Variants in KIRREL3 observed in about 807,000 individuals in gnomAD.
KIRREL3 encodes kirre like nephrin family adhesion molecule 3, also known as kin of IRRE-like protein 3.
A neutral mutation model predicts 89.7 loss-of-function variants in KIRREL3; 36 were observed. That is an observed-to-expected ratio of 0.40 (90% CI 0.31 to 0.53). The LOEUF is 0.53. KIRREL3 is among the 20% of genes least tolerant of loss of function. The pLI is 0.49. For synonymous variants in KIRREL3, 445 were observed against 441.4 expected, an observed-to-expected ratio of 1.01 and a Z score of -0.10; for missense variants, 864 against 1,056.6, an observed-to-expected ratio of 0.82 and a Z score of 2.53.
At chr11:126,693,319 G>A (rs1385263255) in intron 1 of KIRREL3, among the ~76,000 whole-genome samples, 1 of 152,202 alleles carries the variant, frequency 6.6e-6, no homozygotes, top group Non-Finnish European at 1.5e-5. Context: ...TACTCAGGAG[G>A]CTGAGGCAGG....
At chr11:126,699,346 C>A (rs756255258) in intron 1 of KIRREL3, among the ~76,000 whole-genome samples, 2 of 152,178 alleles carry the variant, frequency 1.3e-5, no homozygotes. Context: ...ACAATTCATT[C>A]GACAAATATT....
At chr11:126,979,608 T>C (rs1949669173) in intron 1 of KIRREL3, among the ~76,000 whole-genome samples, 2 of 152,194 alleles carry the variant, frequency 1.3e-5, no homozygotes, top group Admixed American at 1.3e-4. Flanking sequence ...GCTTTCGTTT[T>C]GGCTCTATTA....
At chr11:126,784,891 T>C (rs944019561) in intron 1 of KIRREL3, among the ~76,000 whole-genome samples, 12 of 152,230 alleles carry the variant, frequency 7.9e-5, no homozygotes, top group Non-Finnish European at 4.4e-5. Flanking sequence ...GGATCACCTA[T>C]GACTGTCAAG....
rs997848831 is a variant in KIRREL3, at chr11:126,516,541, G to A, written c.433+4774C>T. ...CAGGGCAAGGATGGTTTTCTCTTTC[G>A]TTTCCTGATGAATCCCACGTGTCTA... On this transcript the variant is annotated intron_variant, in intron 4 of 16. Coordinates refer to ENST00000525144, the MANE Select transcript of KIRREL3 (RefSeq NM_032531.4). The surrounding 1 kb of genome is among the most constrained non-coding windows in gnomAD (Gnocchi z 4.9). Among the ~76,000 whole-genome samples, 12 of 152,098 alleles carry A rather than the reference G, an allele frequency of 7.9e-5. No homozygotes were observed. The highest frequency in any genetic ancestry group is 2.0e-4 in the Admixed American group (3 of 15,254).
chr11:126,590,096 G>C (rs1297119103), intron 1 of KIRREL3, among the ~76,000 whole-genome samples: 1 of 152,158 alleles, frequency 6.6e-6, no homozygotes, highest in Non-Finnish European at 1.5e-5. Context: ...GTAAACCCAG[G>C]AACCAGATTC....
In KIRREL3 at chr11:126,683,535, G is replaced by C. The variant is rs758343404; in HGVS notation, c.56-120623C>G. Among the ~76,000 whole-genome samples, 1 of 152,186 alleles carries C rather than the reference G, an allele frequency of 6.6e-6. No individual in the cohort carries two copies. The highest frequency in any genetic ancestry group is 1.5e-5 in the Non-Finnish European group (1 of 68,032). ...CATTTCTTTCTTATCTGCAAAATGG[G>C]AAGAGTAAGGGCACCCATCTTGGAG... On this transcript the variant is annotated intron_variant, in intron 1 of 16. Coordinates refer to ENST00000525144, the MANE Select transcript of KIRREL3 (RefSeq NM_032531.4). The surrounding 1 kb of genome is among the most constrained non-coding windows in gnomAD (Gnocchi z 5.2).
rs903396258 is a variant in KIRREL3, at chr11:126,797,236, A to G, written c.55+203219T>C. On this transcript the variant is annotated intron_variant, in intron 1 of 16. Coordinates refer to ENST00000525144, the MANE Select transcript of KIRREL3 (RefSeq NM_032531.4). The surrounding 1 kb of genome is among the most constrained non-coding windows in gnomAD (Gnocchi z 4.9). ...TGGGACCAATTTGAATTTAGATCCC[A>G]CCTCTGCCACTTATTGACCTCTCTG... is the stretch of plus-strand genomic sequence containing the variant. Among the ~76,000 whole-genome samples, 4 of 152,136 alleles carry G rather than the reference A, an allele frequency of 2.6e-5. No homozygotes were observed. The highest frequency in any genetic ancestry group is 5.9e-5 in the Non-Finnish European group (4 of 68,022).
chr11:126,809,351 T>G (rs1951307037), intron 1 of KIRREL3, among the ~76,000 whole-genome samples: 1 of 152,086 alleles, frequency 6.6e-6, no homozygotes, highest in African/African-American at 2.4e-5. Context: ...CAATGACCAT[T>G]TATTTAGGTG....
intron 9 of KIRREL3, among the ~76,000 whole-genome samples, chr11:126,446,220 T>C (rs1402352647): frequency 3.3e-5 from 5 of 152,028 alleles, no homozygotes; most frequent in African/African-American, 1.2e-4. Context: ...GTGGCTTTAT[T>C]TGGGGGAAGT....
At position 126,689,351 on chromosome 11, in the gene KIRREL3, C is replaced by T. The variant is rs1191189431; in HGVS notation, c.56-126439G>A. 6.6e-6 allele frequency among the ~76,000 whole-genome samples: 1 copy of T among 152,204 alleles called. No individual in the cohort carries two copies. The highest frequency in any genetic ancestry group is 2.4e-5 in the African/African-American group (1 of 41,442). ...AGATGAGGCTGACCAGGCCATGGAG[C>T]TGCCCAGACCCCCTGGGAGCCCAGA... On this transcript the variant is annotated intron_variant, in intron 1 of 16. Coordinates refer to ENST00000525144, the MANE Select transcript of KIRREL3 (RefSeq NM_032531.4). This position sits in a 1 kb window ranked among gnomAD's most constrained non-coding sequence, Gnocchi z 5.2.
In KIRREL3 at chr11:126,896,049, T is replaced by G. The variant is rs1946145263; in HGVS notation, c.55+104406A>C. ...TATCCCCCATTCATTTCAAAGCACC[T>G]TCATCCCACTCAGGGATTACATTTC... On this transcript the variant is annotated intron_variant, in intron 1 of 16. Coordinates refer to ENST00000525144, the MANE Select transcript of KIRREL3 (RefSeq NM_032531.4). This position sits in a 1 kb window ranked among gnomAD's most constrained non-coding sequence, Gnocchi z 4.1. 2.0e-5 allele frequency among the ~76,000 whole-genome samples: 3 copies of G among 152,374 alleles called. No individual in the cohort carries two copies. The South Asian group carries it at 6.2e-4, about 32-fold the overall frequency.
rs1309037380 is a variant in KIRREL3 at position 126,983,364 on chromosome 11, C to A, written c.55+17091G>T. Among the ~76,000 whole-genome samples the A allele has an allele frequency of 1.3e-5, 2 of 152,200 alleles. No homozygotes were observed. The highest frequency in any genetic ancestry group is 2.9e-5 in the Non-Finnish European group (2 of 68,032). ...CTGAAAGGGAGGGCTCATCTAACGTCTGCCTTTGGTTCTTGCGGTAGACAG... is the reference window on the plus strand; with the variant it reads ...CTGAAAGGGAGGGCTCATCTAACGTATGCCTTTGGTTCTTGCGGTAGACAG... On this transcript the variant is annotated intron_variant, in intron 1 of 16. Coordinates refer to ENST00000525144, the MANE Select transcript of KIRREL3 (RefSeq NM_032531.4). The surrounding 1 kb of genome is among the most constrained non-coding windows in gnomAD (Gnocchi z 4.9).
At chr11:126,839,294 G>T (rs951332244) in intron 1 of KIRREL3, among the ~76,000 whole-genome samples, 6 of 152,148 alleles carry the variant, frequency 3.9e-5, no homozygotes, top group African/African-American at 1.4e-4. Flanking sequence ...GTCTTTTGGG[G>T]GAGGAAGATA....
At chr11:126,939,682 A>G (rs1280712349) in intron 1 of KIRREL3, among the ~76,000 whole-genome samples, 2 of 152,186 alleles carry the variant, frequency 1.3e-5, no homozygotes, top group African/African-American at 4.8e-5. Context: ...CCCTTCCTTC[A>G]GACTGGGTTG....
At chr11:126,465,429 C>T (rs891183468) in intron 5 of KIRREL3, among the ~76,000 whole-genome samples, 1 of 152,252 alleles carries the variant, frequency 6.6e-6, no homozygotes, top group Non-Finnish European at 1.5e-5. Flanking sequence ...GGGTGCTGGA[C>T]GGTGGGTACC....
intron 1 of KIRREL3, among the ~76,000 whole-genome samples, chr11:126,572,057 C>T (rs1170052422): frequency 1.3e-5 from 2 of 152,198 alleles, no homozygotes; most frequent in African/African-American, 2.4e-5. Flanking sequence ...GCCAGATGCT[C>T]GACAGCTATG....
At chr11:126,514,230 G>A (rs559833690) in intron 4 of KIRREL3, among the ~76,000 whole-genome samples, 8 of 152,264 alleles carry the variant, frequency 5.3e-5, no homozygotes, top group South Asian at 2.1e-4. Context: ...TCTCTGGCTC[G>A]TTTGCTACCG....
rs3042225 is a variant in KIRREL3 at position 126,585,220 on chromosome 11, CTT to C, written c.56-22310_56-22309del. On this transcript the variant is annotated intron_variant, in intron 1 of 16. Transcript: ENST00000525144. ...AGGCGTGAGCCACCGCGCCCGGCCT[CTT>C]TTTTTTTTTTTTTTTTTTTTTTTTT... Among the ~76,000 whole-genome samples the C allele has an allele frequency of 6.9e-3, 567 of 81,814 alleles. 7 individuals are homozygous for C. The highest frequency in any genetic ancestry group is 0.019 in the African/African-American group (332 of 17,296). 53.7% of individuals were successfully genotyped at this position (81,814 alleles called of 152,430 possible). A position where few individuals can be genotyped will look rare whatever the true frequency, so the allele number is the denominator to read the frequency against.
chr11:126,687,672 A>G lies in KIRREL3; in HGVS notation c.56-124760T>C, dbSNP rs1946716670. ...CCATTGCTTCATTCAACAAATTTACATTGCACTCTCCTACATGCCAGGCAT... is the reference window on the plus strand; with the variant it reads ...CCATTGCTTCATTCAACAAATTTACGTTGCACTCTCCTACATGCCAGGCAT... On this transcript the variant is annotated intron_variant, in intron 1 of 16. Transcript: ENST00000525144. This position sits in a 1 kb window ranked among gnomAD's most constrained non-coding sequence, Gnocchi z 4.6. Among the ~76,000 whole-genome samples the G allele has an allele frequency of 6.6e-6, 1 of 152,204 alleles. No individual in the cohort carries two copies. Among genetic ancestry groups the G allele is most frequent in the Non-Finnish European group, 1.5e-5 (1 of 68,042 alleles).
Sources: gnomAD v4.1 joint callset for allele counts (sites outside exome capture counted in the v4.1 genomes callset) on GRCh38, gnomAD v4.1.1 for gene constraint, Gnocchi (gnomAD v3.1) non-coding constraint, MANE v1.5 for transcripts, NCBI Gene and HGNC (gene_info 2026-07-23, HGNC 2026-07-21) for gene names.